The following SCAPER variants were observed in gnomAD, a reference collection of about 807,000 sequenced individuals.
SCAPER encodes S phase cyclin A-associated protein in the endoplasmic reticulum.
SCAPER carries 98 observed loss-of-function variants against 182.2 expected under a neutral mutation model. The ratio of observed to expected loss-of-function variants is 0.54; its 90% confidence interval spans 0.46 to 0.64. SCAPER has a LOEUF of 0.64. SCAPER is among the 30% of genes least tolerant of loss of function. The probability of loss-of-function intolerance (pLI) is 0.00; values close to 1 mark genes in which losing one functional copy is unlikely to be tolerated. For missense variants in SCAPER, 1,432 were observed against 1,690.0 expected (o/e 0.85, Z 2.68); for synonymous variants, 605 against 564.6 (o/e 1.07, Z -1.01).
At chr15:76,847,604 G>A (rs887914306) in intron 4 of SCAPER, among the ~76,000 whole-genome samples, 1 of 152,142 alleles carries the variant, frequency 6.6e-6, no homozygotes, top group African/African-American at 2.4e-5. Context: ...CACCCACTAT[G>A]TACCCACAAA....
intron 1 of SCAPER, among the ~76,000 whole-genome samples, chr15:76,889,110 T>C (rs2074021725): frequency 1.3e-5 from 2 of 152,174 alleles, no homozygotes; most frequent in Non-Finnish European, 2.9e-5. Context: ...TAAAATCCTT[T>C]ACAGACAAGC....
chr15:76,736,059 C>T (rs879555196), intron 15 of SCAPER, among the ~76,000 whole-genome samples: 1 of 152,134 alleles, frequency 6.6e-6, no homozygotes, highest in African/African-American at 2.4e-5. Context: ...AGTTTGGTTC[C>T]AGCCCACCAC....
At chr15:76,784,308 C>G (rs575076929) in intron 8 of SCAPER, among the ~76,000 whole-genome samples, 1 of 152,062 alleles carries the variant, frequency 6.6e-6, no homozygotes, top group Non-Finnish European at 1.5e-5. Flanking sequence ...GAATAAAATA[C>G]CTAGGAAACC....
At chr15:76,658,065 A>G (rs2055823194) in intron 21 of SCAPER, among the ~76,000 whole-genome samples, 1 of 152,156 alleles carries the variant, frequency 6.6e-6, no homozygotes. Context: ...TCCTAACCAG[A>G]GCAATCAGGC....
At chr15:76,757,682 A>G (rs2062534868) in intron 14 of SCAPER, among the ~76,000 whole-genome samples, 1 of 152,158 alleles carries the variant, frequency 6.6e-6, no homozygotes, top group South Asian at 2.1e-4. Context: ...AGGAAATTCC[A>G]TATTGCTTAC....
intron 21 of SCAPER, among the ~76,000 whole-genome samples, chr15:76,654,563 T>C (rs1259210421): frequency 1.3e-5 from 2 of 152,078 alleles, no homozygotes; most frequent in Non-Finnish European, 2.9e-5. Flanking sequence ...AGTCTGAAGA[T>C]TTCTCAAAGA....
rs575761402 is a variant in SCAPER at position 76,603,429 on chromosome 15, G to C, written c.2711+18335C>G. Among the ~76,000 whole-genome samples the C allele has an allele frequency of 8.8e-4, 107 of 121,680 alleles. 11 individuals are homozygous for C. The highest frequency in any genetic ancestry group is 2.4e-3 in the African/African-American group (96 of 39,888). 79.8% of individuals were successfully genotyped at this position (121,680 alleles called of 152,430 possible). On this transcript the variant is annotated intron_variant, in intron 22 of 31. Transcript: ENST00000563290. ...GCCACGTTTTCTTAATCCAGTCTATGGTTCTTGGACATTTAGGTTGGTTCC... is the reference window on the plus strand; with the variant it reads ...GCCACGTTTTCTTAATCCAGTCTATCGTTCTTGGACATTTAGGTTGGTTCC...
At position 76,592,241 on chromosome 15, in the gene SCAPER, G is replaced by A. The variant is rs1015008743; in HGVS notation, c.2712-17957C>T. On this transcript the variant is annotated intron_variant, in intron 22 of 31. Coordinates refer to ENST00000563290, the MANE Select transcript of SCAPER (RefSeq NM_020843.4). The stretch of plus-strand genomic sequence containing the variant: ...AATATTTTTAAAATGGCATCTTAGA[G>A]GAAAGGAAGATATTTTAGAAATAAA... 6.2e-5 allele frequency among the ~76,000 whole-genome samples: 9 copies of A among 145,910 alleles called. 3 individuals are homozygous for A. The highest frequency in any genetic ancestry group is 5.0e-4 in the Admixed American group (7 of 13,892).
intron 20 of SCAPER, among the ~76,000 whole-genome samples, chr15:76,685,526 C>A (rs994160684): frequency 6.6e-6 from 1 of 151,930 alleles, no homozygotes; most frequent in Non-Finnish European, 1.5e-5. Context: ...TAAAAAATAC[C>A]GCCAGGGGGA....
chr15:76,557,079 T>C (rs562261630), intron 23 of SCAPER, among the ~76,000 whole-genome samples: 5 of 151,984 alleles, frequency 3.3e-5, no homozygotes, highest in African/African-American at 1.2e-4. Context: ...TACAAAGAAA[T>C]TGACAAAACA....
chr15:76,362,777 T>C (rs1341887251), intron 29 of SCAPER, among the ~76,000 whole-genome samples: 1 of 152,200 alleles, frequency 6.6e-6, no homozygotes, highest in African/African-American at 2.4e-5. Context: ...GGATGTCCTA[T>C]AGTAAAATTC....
intron 2 of SCAPER, among the ~76,000 whole-genome samples, chr15:76,863,770 G>A (rs1360562510): frequency 2.6e-5 from 4 of 152,164 alleles, no homozygotes; most frequent in Non-Finnish European, 5.9e-5. Flanking sequence ...AAATGCGGCA[G>A]AAGGGACACT....
At position 76,621,654 on chromosome 15, in the gene SCAPER, T is replaced by C; in HGVS notation, c.2711+110A>G. Reference sequence around the variant, plus strand: ...CTACTGTGTTAAGAGAATGCTGTTCTAGAAATTAGAATCAAAGAACCTTAT... The same window carrying C: ...CTACTGTGTTAAGAGAATGCTGTTCCAGAAATTAGAATCAAAGAACCTTAT... On this transcript the variant is annotated intron_variant, in intron 22 of 31. Coordinates refer to ENST00000563290, the MANE Select transcript of SCAPER (RefSeq NM_020843.4). The C allele has an allele frequency of 4.4e-6, 4 of 908,576 alleles. No individual in the cohort carries two copies. In the South Asian group the frequency reaches 4.9e-5, roughly 11 times the overall value. The allele number at this position is 908,576 out of a possible 1,614,324, so 56.3% of individuals were successfully genotyped here.
At chr15:76,844,032 G>A (rs1341782768) in intron 4 of SCAPER, among the ~76,000 whole-genome samples, 1 of 152,006 alleles carries the variant, frequency 6.6e-6, no homozygotes, top group Non-Finnish European at 1.5e-5. Flanking sequence ...TACAGAGGAG[G>A]AAACAGGTTT....
intron 8 of SCAPER, among the ~76,000 whole-genome samples, chr15:76,779,055 A>G (rs1455623248): frequency 6.6e-6 from 1 of 152,120 alleles, no homozygotes; most frequent in Non-Finnish European, 1.5e-5. Context: ...AGGATATAGG[A>G]TATAGGATAC....
chr15:76,564,387 A>G (rs2046872129), intron 23 of SCAPER, among the ~76,000 whole-genome samples: 1 of 152,150 alleles, frequency 6.6e-6, no homozygotes, highest in Non-Finnish European at 1.5e-5. Flanking sequence ...GCGAAGAGGC[A>G]AATGAGGAAC....
chr15:76,352,545 GATCTT>G (rs2040643739), intron 30 of SCAPER, among the ~76,000 whole-genome samples: 1 of 147,944 alleles, frequency 6.8e-6, no homozygotes, highest in Non-Finnish European at 1.5e-5. Context: ...TCAGTGGCAT[GATCTT>G]GGCTCACTGC....
chr15:76,774,249 G>T (rs780373160), intron 9 of SCAPER: 119 of 233,650 alleles, frequency 5.1e-4, no homozygotes, highest in Non-Finnish European at 8.4e-4. Context: ...TTGAATTATG[G>T]ACAAAGGACA....
intron 26 of SCAPER, among the ~76,000 whole-genome samples, chr15:76,408,835 A>C (rs908731000): frequency 2.0e-5 from 3 of 152,138 alleles, no homozygotes; most frequent in African/African-American, 7.2e-5. Context: ...GTGATCACAC[A>C]AAACTTCAAA....
Sources: gnomAD v4.1 joint callset for allele counts (sites outside exome capture counted in the v4.1 genomes callset) on GRCh38, gnomAD v4.1.1 for gene constraint, MANE v1.5 for transcripts, NCBI Gene and HGNC (gene_info 2026-07-23, HGNC 2026-07-21) for gene names.